The following KHDRBS2 variants were observed in gnomAD, a reference collection of about 807,000 sequenced individuals.
KHDRBS2 encodes the protein KH domain-containing, RNA-binding, signal transduction-associated protein 2.
In KHDRBS2, 26 loss-of-function variants were observed where a neutral mutation model predicts 44.3. That is an observed-to-expected ratio of 0.59 (90% CI 0.43 to 0.81). The LOEUF is 0.81. KHDRBS2 is among the 40% of genes least tolerant of loss of function. The probability of loss-of-function intolerance (pLI) is 0.00; values close to 1 mark genes in which losing one functional copy is unlikely to be tolerated. For missense variants in KHDRBS2, 476 were observed against 433.1 expected, an observed-to-expected ratio of 1.10 and a Z score of -0.88; for synonymous variants, 194 against 151.1, an observed-to-expected ratio of 1.28 and a Z score of -2.08.
At chr6:62,246,710 T>A (rs1215445638) in intron 1 of KHDRBS2, among the ~76,000 whole-genome samples, 1 of 152,068 alleles carries the variant, frequency 6.6e-6, no homozygotes, top group East Asian at 1.9e-4. Context: ...TATCTATACA[T>A]ATTTTAGTGA....
chr6:62,108,073 CA>C (rs1376945463), intron 2 of KHDRBS2, among the ~76,000 whole-genome samples: 1 of 152,118 alleles, frequency 6.6e-6, no homozygotes, highest in Non-Finnish European at 1.5e-5. Flanking sequence ...GCAATGGCAA[CA>C]AAAGGCAAAA....
intron 1 of KHDRBS2, among the ~76,000 whole-genome samples, chr6:62,240,678 A>ATATATG (rs1563119601): frequency 3.6e-5 from 3 of 82,530 alleles, no homozygotes; most frequent in African/African-American, 1.9e-4. Context: ...GTGTGTATAT[A>ATATATG]TATATATATA....
intron 4 of KHDRBS2, among the ~76,000 whole-genome samples, chr6:61,910,403 T>C (rs1805841610): frequency 6.6e-6 from 1 of 152,240 alleles, no homozygotes; most frequent in Non-Finnish European, 1.5e-5. Context: ...TTATAAAACT[T>C]ATTCATCAAG....
chr6:62,067,373 T>C (rs1793973794), intron 2 of KHDRBS2, among the ~76,000 whole-genome samples: 1 of 151,576 alleles, frequency 6.6e-6, no homozygotes, highest in Admixed American at 6.6e-5. Flanking sequence ...ATGTGTCTCA[T>C]GCTTGTACAT....
intron 1 of KHDRBS2, among the ~76,000 whole-genome samples, chr6:62,190,898 T>C (rs1411671722): frequency 3.9e-5 from 6 of 152,094 alleles, no homozygotes; most frequent in Admixed American, 2.6e-4. Flanking sequence ...CATATGGAGC[T>C]TCTCCACTCA....
intron 6 of KHDRBS2, among the ~76,000 whole-genome samples, chr6:61,765,026 T>C (rs1280353762): frequency 6.6e-6 from 1 of 152,188 alleles, no homozygotes; most frequent in East Asian, 1.9e-4. Context: ...ATAATAGAAC[T>C]ATTCTTCAAT....
At chr6:61,949,135 C>G (rs1015244855) in intron 4 of KHDRBS2, among the ~76,000 whole-genome samples, 5 of 152,084 alleles carry the variant, frequency 3.3e-5, no homozygotes, top group African/African-American at 1.2e-4. Flanking sequence ...GATTGTCATC[C>G]TGTCCCACTG....
chr6:62,215,648 G>A (rs577280), intron 1 of KHDRBS2, among the ~76,000 whole-genome samples: 29,179 of 151,594 alleles, frequency 0.19, 3,554 homozygotes, highest in African/African-American at 0.32. Context: ...TTCTGTTTAT[G>A]TATCTTCCCA....
chr6:61,955,446 A>ATG (rs1562519555), intron 4 of KHDRBS2, among the ~76,000 whole-genome samples: 1 of 58,830 alleles, frequency 1.7e-5, no homozygotes, highest in Non-Finnish European at 4.3e-5. Flanking sequence ...ATGTATACAT[A>ATG]TGTGTATATA....
chr6:62,015,059 G>A (rs1780965054), intron 3 of KHDRBS2, among the ~76,000 whole-genome samples: 1 of 152,070 alleles, frequency 6.6e-6, no homozygotes, highest in East Asian at 1.9e-4. Context: ...ATTGAGATTA[G>A]GGCTGGTTGT....
At chr6:61,659,836 T>TGGGCCCATTATGTGAGC in the KHDRBS2 span, among the ~76,000 whole-genome samples, 2 of 151,808 alleles carry the variant, frequency 1.3e-5, no homozygotes, top group Non-Finnish European at 2.9e-5. Flanking sequence ...GGATTAAGGT[T>TGGGCCCATTATGTGAGC]GGGCCCATTA....
chr6:61,545,499 C>CTGTGTG, the KHDRBS2 span, among the ~76,000 whole-genome samples: 18 of 71,676 alleles, frequency 2.5e-4, no homozygotes, highest in South Asian at 2.5e-3. Flanking sequence ...TTTAGCTAAT[C>CTGTGTG]TCTGTGTGTG....
At chr6:61,918,454 C>T (rs977683355) in intron 4 of KHDRBS2, among the ~76,000 whole-genome samples, 4 of 151,844 alleles carry the variant, frequency 2.6e-5, no homozygotes, top group African/African-American at 9.7e-5. Context: ...AGGAAGGGGA[C>T]CCTCATGATG....
intron 2 of KHDRBS2, among the ~76,000 whole-genome samples, chr6:62,054,645 A>G (rs577139461): frequency 1.3e-5 from 2 of 152,136 alleles, no homozygotes; most frequent in East Asian, 2.0e-4. Flanking sequence ...GAGGGATACA[A>G]TTGCTGGCTT....
At chr6:61,911,677 G>GA (rs1293308483) in intron 4 of KHDRBS2, among the ~76,000 whole-genome samples, 1 of 151,748 alleles carries the variant, frequency 6.6e-6, no homozygotes, top group Non-Finnish European at 1.5e-5. Flanking sequence ...TTCTTCATGA[G>GA]AAAATCCCTC....
At chr6:62,101,753 G>C (rs1801950118) in intron 2 of KHDRBS2, among the ~76,000 whole-genome samples, 1 of 152,200 alleles carries the variant, frequency 6.6e-6, no homozygotes, top group Admixed American at 6.5e-5. Context: ...TTTGGAGATA[G>C]ATATAGGAAT....
chr6:62,102,801 C>T (rs4710671), intron 2 of KHDRBS2, among the ~76,000 whole-genome samples: 49,733 of 152,018 alleles, frequency 0.33, 8,870 homozygotes, highest in Middle Eastern at 0.43. Context: ...TGTGTCACTG[C>T]TTGCAGCTCA....
At chr6:62,045,547 C>A (rs1355727108) in intron 3 of KHDRBS2, among the ~76,000 whole-genome samples, 2 of 152,042 alleles carry the variant, frequency 1.3e-5, no homozygotes, top group Non-Finnish European at 2.9e-5. Flanking sequence ...TATTATCTGT[C>A]TTTCCCATTG....
intron 4 of KHDRBS2, among the ~76,000 whole-genome samples, chr6:61,942,018 T>G (rs1390586645): frequency 1.3e-5 from 2 of 152,112 alleles, no homozygotes; most frequent in African/African-American, 4.8e-5. Context: ...TGGAGTGCAG[T>G]TGGTATGTAA....
Sources: allele counts gnomAD v4.1 joint callset (sites outside exome capture counted in the v4.1 genomes callset), GRCh38; gene constraint gnomAD v4.1.1; transcripts MANE v1.5; gene names NCBI Gene and HGNC (gene_info 2026-07-23, HGNC 2026-07-21).